The following SFMBT2 variants were observed in gnomAD, a reference collection of about 807,000 sequenced individuals.
SFMBT2 encodes the protein scm-like with four MBT domains protein 2.
A neutral mutation model predicts 110.1 loss-of-function variants in SFMBT2; 38 were observed. The observed-to-expected ratio is 0.35, with a 90% confidence interval of 0.27 to 0.45. The LOEUF is 0.45. Ranked by LOEUF, SFMBT2 falls within the 20% of genes least tolerant of loss-of-function variation. SFMBT2 has a pLI of 1.00. For synonymous variants in SFMBT2, 425 were observed against 425.4 expected, an observed-to-expected ratio of 1.00 and a Z score of 0.01; for missense variants, 1,011 against 1,094.9, an observed-to-expected ratio of 0.92 and a Z score of 1.08.
chr10:7,281,363 G>A (rs1200038453), intron 6 of SFMBT2, among the ~76,000 whole-genome samples: 1 of 152,170 alleles, frequency 6.6e-6, no homozygotes, highest in Non-Finnish European at 1.5e-5. Context: ...CTCGTGGGGA[G>A]TATGCTCTTC....
intron 1 of SFMBT2, among the ~76,000 whole-genome samples, chr10:7,386,927 G>A (rs1170856983): frequency 1.3e-5 from 2 of 152,150 alleles, no homozygotes; most frequent in Admixed American, 6.5e-5. Context: ...TCACAGAGCC[G>A]CTAGTGGTGG....
intron 4 of SFMBT2, among the ~76,000 whole-genome samples, chr10:7,349,005 T>A (rs1844211857): frequency 6.6e-6 from 1 of 152,022 alleles, no homozygotes; most frequent in African/African-American, 2.4e-5. Context: ...GTCACAGAGA[T>A]CCCAGGTCAA....
chr10:7,342,054 T>C, intron 4 of SFMBT2, among the ~76,000 whole-genome samples: 1 of 150,184 alleles, frequency 6.7e-6, no homozygotes, highest in Admixed American at 6.7e-5. Context: ...CCTTCTTAAA[T>C]CTACTTGGTC....
At chr10:7,249,511 T>C (rs1840731353) in intron 7 of SFMBT2, 1 of 984,864 alleles carries the variant, frequency 1.0e-6, no homozygotes, top group South Asian at 4.7e-5. Context: ...GAGGAAATAA[T>C]ACCTGCAAAT....
intron 1 of SFMBT2, among the ~76,000 whole-genome samples, chr10:7,393,010 TA>T (rs1845818375): frequency 1.3e-5 from 1 of 79,138 alleles, no homozygotes; most frequent in African/African-American, 9.3e-5. Flanking sequence ...TATATATATA[TA>T]TATATATATA....
intron 4 of SFMBT2, among the ~76,000 whole-genome samples, chr10:7,337,589 G>A (rs960408670): frequency 2.6e-5 from 4 of 151,884 alleles, no homozygotes; most frequent in African/African-American, 4.8e-5. Flanking sequence ...CTTCCCCTTC[G>A]CCTTCCACCA....
chr10:7,241,059 C>G (rs940964759), intron 9 of SFMBT2, among the ~76,000 whole-genome samples: 1 of 152,112 alleles, frequency 6.6e-6, no homozygotes, highest in African/African-American at 2.4e-5. Context: ...TGGCTGTTCT[C>G]CTAACAGTGA....
chr10:7,402,968 A>C (rs1411504251), intron 1 of SFMBT2, among the ~76,000 whole-genome samples: 1 of 152,188 alleles, frequency 6.6e-6, no homozygotes, highest in Non-Finnish European at 1.5e-5. Flanking sequence ...TCTTACCTAC[A>C]TTCAGGGGGA....
At chr10:7,190,653 A>C (rs1423561199) in intron 15 of SFMBT2, among the ~76,000 whole-genome samples, 1 of 152,206 alleles carries the variant, frequency 6.6e-6, no homozygotes, top group Non-Finnish European at 1.5e-5. Context: ...AACTAAGTGG[A>C]CAGCTGCTAT....
intron 12 of SFMBT2, chr10:7,204,321 T>C: frequency 4.1e-6 from 4 of 984,744 alleles, no homozygotes; most frequent in Non-Finnish European, 3.6e-6. Flanking sequence ...AATGGAACTG[T>C]GTTTCCAGCA....
intron 10 of SFMBT2, among the ~76,000 whole-genome samples, chr10:7,222,206 G>C (rs1839764346): frequency 6.6e-6 from 1 of 152,170 alleles, no homozygotes; most frequent in African/African-American, 2.4e-5. Flanking sequence ...TTGCTGAGTA[G>C]TTTGTACAGA....
rs150198298 is a variant in SFMBT2 at position 7,172,102 on chromosome 10, G to A, written c.2208C>T (p.Thr736=). ...TCTGGTCATCCCGGAGCTCGGAGCCGGTCTCCTCACTGGCGGTGTCATCGT... is the reference window on the plus strand; with the variant it reads ...TCTGGTCATCCCGGAGCTCGGAGCCAGTCTCCTCACTGGCGGTGTCATCGT... The part of the protein sequence containing the change: ...AMDDDTASEE[T]GSELRDDQTD... Residue 736 remains threonine, a synonymous_variant, in exon 19 of 21, where the codon ACC becomes ACT. Coordinates refer to ENST00000397167, the MANE Select transcript of SFMBT2 (RefSeq NM_001387889.1). This position sits in a 1 kb window ranked among gnomAD's most constrained non-coding sequence, Gnocchi z 4.6. 142 of 1,603,346 alleles carry A rather than the reference G, an allele frequency of 8.9e-5. No homozygotes were observed. The African/African-American group carries it at 1.6e-3, about 18-fold the overall frequency.
At chr10:7,189,778 G>A (rs1217653130) in intron 15 of SFMBT2, among the ~76,000 whole-genome samples, 4 of 152,242 alleles carry the variant, frequency 2.6e-5, no homozygotes, top group African/African-American at 9.6e-5. Flanking sequence ...TCACATTTTG[G>A]ATTTCAGAGC....
intron 10 of SFMBT2, among the ~76,000 whole-genome samples, chr10:7,221,748 T>C (rs7911885): frequency 0.49 from 73,790 of 151,874 alleles, 18,692 homozygotes; most frequent in East Asian, 0.86. Context: ...TATTGCTATC[T>C]TTTTAAGATC....
At chr10:7,189,701 G>A (rs778631714) in intron 15 of SFMBT2, among the ~76,000 whole-genome samples, 9 of 152,208 alleles carry the variant, frequency 5.9e-5, no homozygotes, top group East Asian at 1.9e-4. Context: ...GGGGGAGCAC[G>A]CAGTGCCCAT....
At chr10:7,386,097 G>C (rs1845596414) in intron 1 of SFMBT2, among the ~76,000 whole-genome samples, 1 of 152,162 alleles carries the variant, frequency 6.6e-6, no homozygotes, top group Non-Finnish European at 1.5e-5. Context: ...ATAATAAAAA[G>C]CGAGCAGTGT....
intron 4 of SFMBT2, among the ~76,000 whole-genome samples, chr10:7,302,853 C>T (rs1286983385): frequency 6.6e-6 from 1 of 152,116 alleles, no homozygotes; most frequent in Admixed American, 6.5e-5. Context: ...GACTCCCTCA[C>T]TCTCTCTCTC....
rs1491517131 is a variant in SFMBT2, at chr10:7,313,180, A to AATATATATT, written c.437-27235_437-27227dup. Among the ~76,000 whole-genome samples the AATATATATT allele has an allele frequency of 2.0e-5, 3 of 149,352 alleles. No homozygotes were observed. The East Asian group carries it at 5.8e-4, about 29-fold the overall frequency. ...GAATAATACAATTGTTATACATAAT[A>AATATATATT]ATATATATTATATATAATAACATAT... On this transcript the variant is annotated intron_variant, in intron 4 of 20. Coordinates refer to ENST00000397167, the MANE Select transcript of SFMBT2 (RefSeq NM_001387889.1).
At chr10:7,198,465 T>C (rs945410680) in intron 14 of SFMBT2, among the ~76,000 whole-genome samples, 4 of 152,186 alleles carry the variant, frequency 2.6e-5, no homozygotes, top group African/African-American at 9.7e-5. Flanking sequence ...TATCTTCAGT[T>C]TTACTAGACA....
Sources: gnomAD v4.1 joint callset for allele counts (sites outside exome capture counted in the v4.1 genomes callset) on GRCh38, gnomAD v4.1.1 for gene constraint, Gnocchi (gnomAD v3.1) non-coding constraint, MANE v1.5 for transcripts, NCBI Gene and HGNC (gene_info 2026-07-23, HGNC 2026-07-21) for gene names.